SBF2: variants seen among roughly 807,000 people sequenced by gnomAD.
SBF2 encodes myotubularin-related protein 13.
A neutral mutation model predicts 225.2 loss-of-function variants in SBF2; 112 were observed. The ratio of observed to expected loss-of-function variants is 0.50; its 90% confidence interval spans 0.43 to 0.58. The LOEUF is 0.58. Among genes scored for constraint, SBF2 ranks in the 20% least tolerant of loss-of-function variants. SBF2 has a pLI of 0.00. For missense variants in SBF2, 1,996 were observed against 2,206.2 expected, an observed-to-expected ratio of 0.90 and a Z score of 1.91; for synonymous variants, 763 against 773.3, an observed-to-expected ratio of 0.99 and a Z score of 0.22.
intron 4 of SBF2, 127 bp downstream of exon 4, chr11:10,030,921 C>A (rs982936405): frequency 2.1e-5 from 17 of 805,716 alleles, no homozygotes; most frequent in Non-Finnish European, 3.0e-5. Context: ...TTCATGCTAA[C>A]TGTATTTCAT....
intron 13 of SBF2, among the ~76,000 whole-genome samples, chr11:9,982,800 C>T (rs114906961): frequency 1.8e-3 from 276 of 152,308 alleles, no homozygotes; most frequent in African/African-American, 6.1e-3. Flanking sequence ...CCTCCTCTCC[C>T]GAACACACAC....
At chr11:9,812,484 G>A (rs1478834740) in intron 30 of SBF2, 48 bp downstream of exon 30, 1 of 1,591,446 alleles carries the variant, frequency 6.3e-7, no homozygotes, top group South Asian at 1.1e-5. Flanking sequence ...ATCTACTTGG[G>A]CCTCTGTTTC....
At chr11:10,191,188 C>T (rs933415144) in intron 2 of SBF2, among the ~76,000 whole-genome samples, 7 of 152,066 alleles carry the variant, frequency 4.6e-5, no homozygotes, top group African/African-American at 1.2e-4. Flanking sequence ...AAAAGGGTCA[C>T]GACTACACTG....
chr11:9,972,318 G>T, intron 13 of SBF2, among the ~76,000 whole-genome samples: 1 of 151,960 alleles, frequency 6.6e-6, no homozygotes, highest in East Asian at 1.9e-4. Flanking sequence ...AAAAATTTTG[G>T]CTACATTCAT....
chr11:10,060,943 G>A (rs1950420452), intron 2 of SBF2, among the ~76,000 whole-genome samples: 1 of 152,088 alleles, frequency 6.6e-6, no homozygotes, highest in Non-Finnish European at 1.5e-5. Flanking sequence ...CAGGAGAATA[G>A]TGTGAACCTG....
intron 2 of SBF2, among the ~76,000 whole-genome samples, chr11:10,088,906 A>G (rs568806932): frequency 1.3e-5 from 2 of 152,338 alleles, no homozygotes; most frequent in Admixed American, 6.5e-5. Flanking sequence ...TTTGGATCCT[A>G]AAACAGGCCT....
At position 10,029,680 on chromosome 11, in the gene SBF2, C is replaced by A. The variant is rs186574045; in HGVS notation, c.513+85G>T. On this transcript the variant is annotated intron_variant, in intron 5 of 39. Transcript: ENST00000256190. The stretch of plus-strand genomic sequence containing the variant: ...AACAAAAATATTTAAAGAATTATTT[C>A]TTTCCCTTTCTCCATAAATTAAATT... 65 of 959,568 alleles carry A rather than the reference C, an allele frequency of 6.8e-5. 1 individual carries two copies. In the African/African-American group the frequency reaches 9.3e-4, roughly 14 times the overall value. 59.4% of individuals were successfully genotyped at this position (959,568 alleles called of 1,614,324 possible).
At chr11:9,992,069 T>C (rs1184007854) in intron 12 of SBF2, among the ~76,000 whole-genome samples, 2 of 152,142 alleles carry the variant, frequency 1.3e-5, no homozygotes, top group African/African-American at 4.8e-5. Flanking sequence ...TTTTAAAATA[T>C]GAGTAGCTTT....
chr11:10,226,955 T>C (rs1958593176), intron 1 of SBF2, among the ~76,000 whole-genome samples: 1 of 152,216 alleles, frequency 6.6e-6, no homozygotes, highest in South Asian at 2.1e-4. Context: ...TATAAAAGTG[T>C]TCCTATTTCT....
At chr11:9,787,513 T>G in intron 36 of SBF2, 121 bp downstream of exon 36, 2 of 796,858 alleles carry the variant, frequency 2.5e-6, no homozygotes, top group South Asian at 2.9e-5. Context: ...CCCCTCCCCT[T>G]TCCACCCTTC....
In SBF2 at chr11:10,073,534, G is replaced by A. The variant is rs888255875; in HGVS notation, c.142-30553C>T. Among the ~76,000 whole-genome samples, 14 of 152,154 alleles carry A rather than the reference G, an allele frequency of 9.2e-5. No homozygotes were observed. The East Asian group carries it at 9.7e-4, about 11-fold the overall frequency. On this transcript the variant is annotated intron_variant, in intron 2 of 39. Coordinates refer to ENST00000256190, the MANE Select transcript of SBF2 (RefSeq NM_030962.4). ...TTGAGACCAGCCTGGCCTACATGGC[G>A]AAACACTGTCTGTCTCTACTAATAA... is the stretch of plus-strand genomic sequence containing the variant.
chr11:10,113,246 A>AGTCCTCCG (rs1952967452), intron 2 of SBF2, among the ~76,000 whole-genome samples: 1 of 152,202 alleles, frequency 6.6e-6, no homozygotes, highest in Non-Finnish European at 1.5e-5. Flanking sequence ...CTCCGAAATC[A>AGTCCTCCG]ATCTCCCAAA....
At chr11:10,277,681 T>C (rs1158724070) in intron 1 of SBF2, among the ~76,000 whole-genome samples, 1 of 152,170 alleles carries the variant, frequency 6.6e-6, no homozygotes, top group Non-Finnish European at 1.5e-5. Flanking sequence ...CTAAATCCAA[T>C]GATTAGCATC....
At chr11:10,064,681 G>C (rs1950570295) in intron 2 of SBF2, among the ~76,000 whole-genome samples, 1 of 152,038 alleles carries the variant, frequency 6.6e-6, no homozygotes, top group Admixed American at 6.6e-5. Context: ...TTTTAAACAG[G>C]AAGAAGACAT....
intron 2 of SBF2, among the ~76,000 whole-genome samples, chr11:10,101,581 C>T (rs977414928): frequency 1.3e-5 from 2 of 151,822 alleles, no homozygotes; most frequent in African/African-American, 2.4e-5. Context: ...AAATGGAACC[C>T]GGAAACCTGG....
At chr11:10,047,910 C>A (rs184402725) in intron 2 of SBF2, among the ~76,000 whole-genome samples, 5 of 152,124 alleles carry the variant, frequency 3.3e-5, no homozygotes, top group Non-Finnish European at 5.9e-5. Flanking sequence ...TAGCTTCTCT[C>A]GCCCTCTCCA....
At chr11:10,159,767 A>T (rs907816766) in intron 2 of SBF2, among the ~76,000 whole-genome samples, 5 of 151,898 alleles carry the variant, frequency 3.3e-5, no homozygotes. Flanking sequence ...GCGGGTGCCT[A>T]TAGTCCCAGC....
chr11:9,917,058 T>A (rs1863159399), intron 16 of SBF2, among the ~76,000 whole-genome samples: 2 of 142,650 alleles, frequency 1.4e-5, no homozygotes, highest in Non-Finnish European at 3.2e-5. Context: ...TTTTTTTTAT[T>A]TTCATTTAAA....
intron 16 of SBF2, among the ~76,000 whole-genome samples, chr11:9,919,270 CT>C (rs779718076): frequency 2.6e-4 from 36 of 139,870 alleles, no homozygotes; most frequent in Middle Eastern, 3.7e-3. Context: ...TCTTCTTCTT[CT>C]TTTTTTTTTT....
Sources: gnomAD v4.1 joint callset for allele counts (sites outside exome capture counted in the v4.1 genomes callset) on GRCh38, gnomAD v4.1.1 for gene constraint, MANE v1.5 for transcripts, NCBI Gene and HGNC (gene_info 2026-07-23, HGNC 2026-07-21) for gene names.